INPP4B: variants seen among roughly 807,000 people sequenced by gnomAD.
INPP4B encodes the protein inositol polyphosphate 4-phosphatase type II.
A neutral mutation model predicts 122.5 loss-of-function variants in INPP4B; 55 were observed. The ratio of observed to expected loss-of-function variants is 0.45; its 90% CI spans 0.36 to 0.56. The LOEUF (loss-of-function observed/expected upper bound fraction) is 0.56. INPP4B is among the 20% of genes least tolerant of loss of function. INPP4B has a pLI of 0.00. For missense variants in INPP4B, 1,000 were observed against 1,097.7 expected (o/e 0.91, Z 1.26); for synonymous variants, 403 against 388.7 (o/e 1.04, Z -0.43).
At chr4:142,442,272 C>T (rs1299857927) in intron 3 of INPP4B, among the ~76,000 whole-genome samples, 3 of 151,652 alleles carry the variant, frequency 2.0e-5, no homozygotes, top group African/African-American at 2.4e-5. Flanking sequence ...ATTAGCTGGA[C>T]GTGGTGGCAT....
chr4:142,441,622 A>G (rs1811740120), intron 3 of INPP4B, among the ~76,000 whole-genome samples: 1 of 152,272 alleles, frequency 6.6e-6, no homozygotes, highest in East Asian at 1.9e-4. Context: ...AAATGCATAT[A>G]GTGAGAAGAA....
chr4:142,257,555 C>G (rs1352457745), intron 11 of INPP4B, among the ~76,000 whole-genome samples: 1 of 152,002 alleles, frequency 6.6e-6, no homozygotes, highest in Non-Finnish European at 1.5e-5. Context: ...TTCTTATACA[C>G]CAATAACAGA....
chr4:142,099,885 T>C (rs1473057569), intron 23 of INPP4B, among the ~76,000 whole-genome samples: 1 of 152,164 alleles, frequency 6.6e-6, no homozygotes, highest in Non-Finnish European at 1.5e-5. Context: ...CAGAGTACAA[T>C]GCAGTGCAAA....
At chr4:142,629,079 CT>C (rs1447716174) in intron 2 of INPP4B, among the ~76,000 whole-genome samples, 1 of 152,016 alleles carries the variant, frequency 6.6e-6, no homozygotes, top group Non-Finnish European at 1.5e-5. Flanking sequence ...ATGCTGTTCC[CT>C]TCCAGGACTA....
At chr4:142,669,518 C>T (rs1299731773) in intron 2 of INPP4B, among the ~76,000 whole-genome samples, 1 of 152,112 alleles carries the variant, frequency 6.6e-6, no homozygotes, top group Non-Finnish European at 1.5e-5. Context: ...CACACATTTA[C>T]AGCCAACTAA....
intron 2 of INPP4B, among the ~76,000 whole-genome samples, chr4:142,526,595 G>A (rs1214861774): frequency 1.3e-5 from 2 of 152,014 alleles, no homozygotes; most frequent in African/African-American, 2.4e-5. Flanking sequence ...GGATGCACAC[G>A]GAGATATCAC....
intron 2 of INPP4B, among the ~76,000 whole-genome samples, chr4:142,482,165 T>TTA (rs1820640266): frequency 6.6e-6 from 1 of 152,208 alleles, no homozygotes; most frequent in African/African-American, 2.4e-5. Context: ...CTTAGGAATT[T>TTA]TATATATATT....
intron 15 of INPP4B, among the ~76,000 whole-genome samples, chr4:142,182,803 G>A (rs1332945404): frequency 6.6e-6 from 1 of 152,034 alleles, no homozygotes; most frequent in Non-Finnish European, 1.5e-5. Context: ...CAGCCAACTG[G>A]ATGTAAATTC....
chr4:142,330,260 CT>C (rs1773952512), intron 7 of INPP4B, among the ~76,000 whole-genome samples: 1 of 152,176 alleles, frequency 6.6e-6, no homozygotes, highest in African/African-American at 2.4e-5. Context: ...CAAACCCCTT[CT>C]TTCTAGCACC....
rs917571681 is a variant in INPP4B at position 142,547,476 on chromosome 4, A to G, written c.-190-84750T>C. Among the ~76,000 whole-genome samples, 3 of 152,160 alleles carry G rather than the reference A, an allele frequency of 2.0e-5. No individual in the cohort carries two copies. The East Asian group carries it at 5.8e-4, about 29-fold the overall frequency. ...TGAGTGGCTCCAAAACCCTGCACTA[A>G]TTTTCTGCAACCCAATTAGCAAAAT... is the stretch of plus-strand genomic sequence containing the variant. On this transcript the variant is annotated intron_variant, in intron 2 of 25. Coordinates refer to ENST00000262992, the MANE Select transcript of INPP4B (RefSeq NM_001101669.3).
chr4:142,845,956 G>C (rs1784148095), intron 1 of INPP4B, among the ~76,000 whole-genome samples: 1 of 152,020 alleles, frequency 6.6e-6, no homozygotes, highest in South Asian at 2.1e-4. Flanking sequence ...CTCGGCGAGA[G>C]GGTAGGCGCG....
chr4:142,596,110 GC>G lies in INPP4B; in HGVS notation c.-191+129728del, dbSNP rs200315983. ...AATGCCTGCCTCGGCTTCCCAAAGT[GC>G]TGGGATTATAGGCATGAGCGACACC... On this transcript the variant is annotated intron_variant, in intron 2 of 25. Transcript: ENST00000262992. Among the ~76,000 whole-genome samples, 409 of 152,172 alleles carry G rather than the reference GC, an allele frequency of 2.7e-3. 6 individuals carry two copies. Among genetic ancestry groups the G allele is most frequent in the East Asian group, 0.018 (95 of 5,170 alleles).
intron 1 of INPP4B, among the ~76,000 whole-genome samples, chr4:142,815,106 C>T (rs1171442315): frequency 6.6e-6 from 1 of 152,060 alleles, no homozygotes; most frequent in Non-Finnish European, 1.5e-5. Context: ...ATGCATAAAT[C>T]CAGTGGAATC....
chr4:142,647,749 G>T (rs906403453), intron 2 of INPP4B, among the ~76,000 whole-genome samples: 3 of 152,182 alleles, frequency 2.0e-5, no homozygotes, highest in Non-Finnish European at 2.9e-5. Context: ...TACTTCTCCA[G>T]TTTTCTTACA....
At chr4:142,621,239 A>G (rs946833123) in intron 2 of INPP4B, among the ~76,000 whole-genome samples, 1 of 151,962 alleles carries the variant, frequency 6.6e-6, no homozygotes, top group Non-Finnish European at 1.5e-5. Flanking sequence ...CCTTCTTCTT[A>G]TTATTGACCA....
chr4:142,063,626 C>CA (rs1191342827), intron 25 of INPP4B, among the ~76,000 whole-genome samples: 1 of 152,012 alleles, frequency 6.6e-6, no homozygotes, highest in Non-Finnish European at 1.5e-5. Flanking sequence ...AAATTGAGCT[C>CA]AAAATTTTAA....
intron 7 of INPP4B, among the ~76,000 whole-genome samples, chr4:142,353,652 T>G (rs1186719857): frequency 6.6e-6 from 1 of 152,044 alleles, no homozygotes; most frequent in Non-Finnish European, 1.5e-5. Flanking sequence ...GATTGCTGCC[T>G]TTGCTTAGCC....
At position 142,398,402 on chromosome 4, in the gene INPP4B, ATATATATATAT is replaced by A. The variant is rs1250498347; in HGVS notation, c.372+4525_372+4535del. ...AAAAAAAAAAAAAAAAAAAAAAAAA[ATATATATATAT>A]ATATATATATATATATATATATATA... is the stretch of plus-strand genomic sequence containing the variant. On this transcript the variant is annotated intron_variant, in intron 7 of 25. Transcript: ENST00000262992. Among the ~76,000 whole-genome samples the A allele has an allele frequency of 5.3e-3, 34 of 6,372 alleles. 1 individual carries two copies. The highest frequency in any genetic ancestry group is 0.014 in the East Asian group (2 of 140). 4.2% of individuals were successfully genotyped at this position (6,372 alleles called of 152,430 possible).
intron 2 of INPP4B, among the ~76,000 whole-genome samples, chr4:142,678,665 T>C (rs1402536095): frequency 2.6e-5 from 4 of 151,948 alleles, no homozygotes; most frequent in Non-Finnish European, 5.9e-5. Context: ...GTTTATATCA[T>C]ACAACCAACC....
Sources: gnomAD v4.1 joint callset for allele counts (sites outside exome capture counted in the v4.1 genomes callset) on GRCh38, gnomAD v4.1.1 for gene constraint, MANE v1.5 for transcripts, NCBI Gene and HGNC (gene_info 2026-07-23, HGNC 2026-07-21) for gene names.